UGT8: variants seen among roughly 807,000 people sequenced by gnomAD.
UGT8 encodes 2-hydroxyacylsphingosine 1-beta-galactosyltransferase.
In UGT8, 12 loss-of-function variants were observed where a neutral mutation model predicts 40.5. The ratio of observed to expected loss-of-function variants is 0.30; its 90% CI spans 0.19 to 0.48. The LOEUF is 0.48. Ranked by LOEUF, UGT8 falls within the 20% of genes least tolerant of loss-of-function variation. The pLI, the probability that UGT8 is intolerant of heterozygous loss-of-function variation, is 0.99. For missense variants in UGT8, 513 were observed against 648.7 expected, an observed-to-expected ratio of 0.79 and a Z score of 2.27; for synonymous variants, 224 against 240.4, an observed-to-expected ratio of 0.93 and a Z score of 0.63.
At chr4:114,600,616 TA>T in intron 1 of UGT8, among the ~76,000 whole-genome samples, 1 of 152,330 alleles carries the variant, frequency 6.6e-6, no homozygotes, top group South Asian at 2.1e-4. Context: ...ATCACTCAGT[TA>T]TTAAGCCCAG....
chr4:114,636,711 C>T (rs1015249041), intron 2 of UGT8, among the ~76,000 whole-genome samples: 16 of 152,060 alleles, frequency 1.1e-4, no homozygotes, highest in Admixed American at 1.0e-3. Context: ...TGCCCCCTCT[C>T]CCTTCCCCCA....
At position 114,675,915 on chromosome 4, in the gene UGT8, C is replaced by T. The variant is rs746664867; in HGVS notation, c.1263-10C>T. ...GCATCATCATTCTGTGTTTTGTCCCCTCTCCATAGCTACCGTCAGAGGGCT... is the reference window on the plus strand; with the variant it reads ...GCATCATCATTCTGTGTTTTGTCCCTTCTCCATAGCTACCGTCAGAGGGCT... On this transcript the variant is annotated splice_polypyrimidine_tract_variant and intron_variant, in intron 5 of 5. Transcript: ENST00000310836. 7.5e-6 allele frequency: 12 copies of T among 1,600,364 alleles called. No homozygotes were observed. Among genetic ancestry groups the T allele is most frequent in the African/African-American group, 1.3e-5 (1 of 74,430 alleles).
intron 2 of UGT8, among the ~76,000 whole-genome samples, chr4:114,645,052 C>T (rs917665363): frequency 7.7e-6 from 1 of 129,754 alleles, no homozygotes; most frequent in African/African-American, 2.7e-5. Context: ...AGACAGACTT[C>T]CTAACCATCT....
At chr4:114,649,467 G>A (rs1172279288) in intron 2 of UGT8, among the ~76,000 whole-genome samples, 1 of 152,178 alleles carries the variant, frequency 6.6e-6, no homozygotes, top group Non-Finnish European at 1.5e-5. Context: ...TCACATAAAG[G>A]AAGTTCTGAG....
intron 2 of UGT8, among the ~76,000 whole-genome samples, chr4:114,638,134 G>A (rs534740184): frequency 3.3e-5 from 5 of 152,068 alleles, no homozygotes; most frequent in East Asian, 1.9e-4. Context: ...TGATCAGACC[G>A]GAAAATGACA....
At chr4:114,653,287 G>A (rs753639200) in intron 2 of UGT8, among the ~76,000 whole-genome samples, 19 of 152,178 alleles carry the variant, frequency 1.2e-4, no homozygotes, top group South Asian at 2.1e-4. Flanking sequence ...CGTTATAGTC[G>A]TAGAATATGA....
intron 2 of UGT8, among the ~76,000 whole-genome samples, chr4:114,624,323 CTT>C (rs1358588399): frequency 6.6e-6 from 1 of 152,182 alleles, no homozygotes; most frequent in African/African-American, 2.4e-5. Context: ...CTATGTGAAA[CTT>C]AAATTCTTTT....
At chr4:114,627,335 T>C (rs1311506176) in intron 2 of UGT8, among the ~76,000 whole-genome samples, 1 of 147,936 alleles carries the variant, frequency 6.8e-6, no homozygotes, top group Non-Finnish European at 1.5e-5. Flanking sequence ...CTCAGCTCAC[T>C]ACAACCTCTG....
At chr4:114,652,605 G>A (rs1180263050) in intron 2 of UGT8, among the ~76,000 whole-genome samples, 1 of 151,964 alleles carries the variant, frequency 6.6e-6, no homozygotes, top group Non-Finnish European at 1.5e-5. Context: ...ACTTCTCTGT[G>A]AGCATAGTGA....
rs530892412 is a variant in UGT8 at position 114,608,596 on chromosome 4, A to G, written c.-3+9622A>G. On this transcript the variant is annotated intron_variant, in intron 1 of 5. Transcript: ENST00000310836. ...GGGATTGCTACATTATTTAGTCACA[A>G]TGGAAAAAAAAGTTTGATATATAGA... Among the ~76,000 whole-genome samples the G allele has an allele frequency of 8.5e-5, 13 of 152,210 alleles. No individual in the cohort carries two copies. The South Asian group carries it at 1.9e-3, about 22-fold the overall frequency.
At chr4:114,675,589 A>C (rs1735576678) in intron 5 of UGT8, among the ~76,000 whole-genome samples, 1 of 150,330 alleles carries the variant, frequency 6.7e-6, no homozygotes, top group Admixed American at 6.6e-5. Context: ...AAATACAAAA[A>C]ATTAGCCGGG....
At chr4:114,646,118 G>T (rs145683996) in intron 2 of UGT8, among the ~76,000 whole-genome samples, 9 of 151,946 alleles carry the variant, frequency 5.9e-5, no homozygotes, top group Non-Finnish European at 1.3e-4. Context: ...ATACTGTTTT[G>T]CAAGATTTAT....
At chr4:114,632,944 C>T (rs572157697) in intron 2 of UGT8, among the ~76,000 whole-genome samples, 4 of 152,320 alleles carry the variant, frequency 2.6e-5, no homozygotes, top group South Asian at 2.1e-4. Context: ...ACTTAATTGA[C>T]TTGATAAATA....
chr4:114,661,427 C>A (rs1226286617), intron 2 of UGT8, among the ~76,000 whole-genome samples: 1 of 152,094 alleles, frequency 6.6e-6, no homozygotes, highest in Non-Finnish European at 1.5e-5. Context: ...GAGGGCCTCC[C>A]AAACCACTGG....
intron 1 of UGT8, among the ~76,000 whole-genome samples, chr4:114,609,891 T>C (rs1213498133): frequency 6.6e-6 from 1 of 152,146 alleles, no homozygotes; most frequent in African/African-American, 2.4e-5. Context: ...GAGTATTTTG[T>C]AACATTTAGA....
rs142555911 is a variant in UGT8 at position 114,654,255 on chromosome 4, T to G, written c.823-9740T>G. Among the ~76,000 whole-genome samples the G allele has an allele frequency of 3.0e-3, 449 of 152,096 alleles. 5 individuals carry two copies. Among genetic ancestry groups the G allele is most frequent in the African/African-American group, 0.01 (426 of 41,520 alleles). On this transcript the variant is annotated intron_variant, in intron 2 of 5. Transcript: ENST00000310836. ...TCACAAAGTAGGTATTCAGTGACTG[T>G]TGGTTATGTTCTATTCTCCCTGATC...
rs1050301028 is a variant in UGT8 at position 114,618,030 on chromosome 4, A to T, written c.-2-4849A>T. Among the ~76,000 whole-genome samples, 20 of 152,194 alleles carry T rather than the reference A, an allele frequency of 1.3e-4. 1 individual carries two copies. The highest frequency in any genetic ancestry group is 2.9e-4 in the Non-Finnish European group (20 of 68,030). ...TTCATCTTTACTTTGTTATCATTAT[A>T]ATCACTTTATATATACATATATATC... On this transcript the variant is annotated intron_variant, in intron 1 of 5. Transcript: ENST00000310836.
chr4:114,613,285 A>G (rs1474653328), intron 1 of UGT8, among the ~76,000 whole-genome samples: 1 of 152,196 alleles, frequency 6.6e-6, no homozygotes, highest in African/African-American at 2.4e-5. Context: ...TCAACATTTT[A>G]TATATACATT....
rs1732677030 is a variant in UGT8, at chr4:114,633,098, A to C, written c.822+9396A>C. 9.2e-5 allele frequency among the ~76,000 whole-genome samples: 14 copies of C among 152,148 alleles called. No homozygotes were observed. The South Asian group carries it at 2.9e-3, about 31-fold the overall frequency. ...TGTATAACATTGAAAAGGTTTTACA[A>C]ATCACAAAGAGATGGCCACACTTAA... is the stretch of plus-strand genomic sequence containing the variant. On this transcript the variant is annotated intron_variant, in intron 2 of 5. Transcript: ENST00000310836.
Sources: allele counts gnomAD v4.1 joint callset (sites outside exome capture counted in the v4.1 genomes callset), GRCh38; gene constraint gnomAD v4.1.1; transcripts MANE v1.5; gene names NCBI Gene and HGNC (gene_info 2026-07-23, HGNC 2026-07-21).